PCDHA8: variants seen among roughly 807,000 people sequenced by gnomAD.
PCDHA8 encodes the protein protocadherin alpha 8, also known as protocadherin alpha-8.
A neutral mutation model predicts 61.8 loss-of-function variants in PCDHA8; 53 were observed. That is an observed-to-expected ratio of 0.86 (90% CI 0.69 to 1.08). The LOEUF is 1.08. PCDHA8 is among the 50% of genes least tolerant of loss of function. The pLI is 0.00. For missense variants in PCDHA8, 1,293 were observed against 1,245.0 expected (o/e 1.04, Z -0.58); for synonymous variants, 618 against 556.6 (o/e 1.11, Z -1.55).
chr5:140,874,040 T>G (rs1303509988), intron 1 of PCDHA8, among the ~76,000 whole-genome samples: 7 of 152,220 alleles, frequency 4.6e-5, no homozygotes, highest in Admixed American at 4.6e-4. Flanking sequence ...AGAAACTTGG[T>G]GATGATATTA....
intron 1 of PCDHA8, chr5:140,853,353 C>T: frequency 1.0e-6 from 1 of 981,690 alleles, no homozygotes; most frequent in Non-Finnish European, 1.2e-6. Context: ...AACATGAACT[C>T]ACAGGGATCC....
At chr5:140,986,480 T>A (rs781884269) in intron 3 of PCDHA8, among the ~76,000 whole-genome samples, 16 of 152,200 alleles carry the variant, frequency 1.1e-4, no homozygotes, top group Non-Finnish European at 1.5e-4. Flanking sequence ...GATCAGTTCC[T>A]AGGGCAATCC....
At chr5:140,986,861 C>T (rs1007036038) in intron 3 of PCDHA8, among the ~76,000 whole-genome samples, 12 of 152,086 alleles carry the variant, frequency 7.9e-5, no homozygotes, top group Non-Finnish European at 1.0e-4. Flanking sequence ...CAACAATACC[C>T]GGAAACTTGT....
chr5:140,862,390 A>T (rs1325136355), intron 1 of PCDHA8: 3 of 349,930 alleles, frequency 8.6e-6, no homozygotes, highest in African/African-American at 6.4e-5. Context: ...ACGTCTCTTC[A>T]AGCTGGTGTC....
chr5:140,881,398 A>G, intron 1 of PCDHA8: 1 of 975,546 alleles, frequency 1.0e-6, no homozygotes, highest in Non-Finnish European at 1.2e-6. Context: ...GTTAAATTCT[A>G]TTAAATCAAT....
chr5:140,890,594 T>A (rs1439050160), intron 1 of PCDHA8, among the ~76,000 whole-genome samples: 1 of 152,150 alleles, frequency 6.6e-6, no homozygotes, highest in East Asian at 1.9e-4. Context: ...GAAGCCCTTT[T>A]CCGAATAGCT....
intron 1 of PCDHA8, among the ~76,000 whole-genome samples, chr5:140,899,105 T>G (rs2153462801): frequency 6.6e-6 from 1 of 152,160 alleles, no homozygotes; most frequent in Non-Finnish European, 1.5e-5. Flanking sequence ...GATAATGGGG[T>G]TTTCTAGATA....
At chr5:140,956,009 CTT>C (rs2095247878) in intron 1 of PCDHA8, among the ~76,000 whole-genome samples, 1 of 152,192 alleles carries the variant, frequency 6.6e-6, no homozygotes, top group Non-Finnish European at 1.5e-5. Flanking sequence ...TATCCTGAGA[CTT>C]TGCTGAAGTT....
At position 141,011,371 on chromosome 5, in the gene PCDHA8, G is replaced by A. The variant is rs782444449; in HGVS notation, c.*1434G>A. 6.5e-6 allele frequency: 1 copy of A among 153,724 alleles called. No homozygotes were observed. The highest frequency in any genetic ancestry group is 1.5e-5 in the Non-Finnish European group (1 of 68,022). 9.5% of individuals were successfully genotyped at this position (153,724 alleles called of 1,614,324 possible). On this transcript the variant is annotated 3_prime_UTR_variant, in exon 4 of 4. Transcript: ENST00000531613. ...CTCCCATATGTATGCTGTATGCTAT[G>A]CTAAGACTCCTGAAATATACTTACT...
intron 1 of PCDHA8, among the ~76,000 whole-genome samples, chr5:140,912,685 G>A (rs2076025155): frequency 6.6e-6 from 1 of 152,060 alleles, no homozygotes; most frequent in Non-Finnish European, 1.5e-5. Flanking sequence ...CTTATTCCAG[G>A]TCTCAGGGGG....
At chr5:140,981,583 T>TA (rs2096939530) in intron 2 of PCDHA8, among the ~76,000 whole-genome samples, 1 of 152,098 alleles carries the variant, frequency 6.6e-6, no homozygotes, top group Non-Finnish European at 1.5e-5. Flanking sequence ...CAAAAATAAA[T>TA]AAAATAAAAC....
chr5:140,955,492 A>G, intron 1 of PCDHA8, among the ~76,000 whole-genome samples: 1 of 152,138 alleles, frequency 6.6e-6, no homozygotes, highest in East Asian at 1.9e-4. Context: ...TCCTGCCACC[A>G]TGTGAAGAAA....
At chr5:140,856,040 A>T (rs374986437) in intron 1 of PCDHA8, 4 of 1,569,320 alleles carry the variant, frequency 2.5e-6, no homozygotes, top group Non-Finnish European at 3.5e-6. Flanking sequence ...AAAACAAGAG[A>T]AGGATAAGAT....
chr5:140,877,501 A>G lies in PCDHA8; in HGVS notation c.2394+33786A>G, dbSNP rs2057165784. On this transcript the variant is annotated intron_variant, in intron 1 of 3. Coordinates refer to ENST00000531613, the MANE Select transcript of PCDHA8 (RefSeq NM_018911.3). ...GCTGGTGGAGAACGGCCAGGCCCCA[A>G]AGACGTCGTCGCGGGCCTCAGTGGG... 3.1e-6 allele frequency: 5 copies of G among 1,613,804 alleles called. No homozygotes were observed. In the East Asian group the frequency reaches 1.1e-4, roughly 36 times the overall value.
chr5:140,990,760 G>A (rs2097413418), intron 3 of PCDHA8, among the ~76,000 whole-genome samples: 1 of 152,182 alleles, frequency 6.6e-6, no homozygotes, highest in Non-Finnish European at 1.5e-5. Context: ...CTTTGAGCCT[G>A]TAAATTTGGC....
At chr5:140,850,587 G>A in intron 1 of PCDHA8, 1 of 1,598,490 alleles carries the variant, frequency 6.3e-7, no homozygotes, top group South Asian at 1.1e-5. Flanking sequence ...GGATGTCAAC[G>A]TGTACCTGAT....
chr5:140,966,516 G>A (rs967570115), intron 1 of PCDHA8: 27 of 436,614 alleles, frequency 6.2e-5, no homozygotes, highest in Admixed American at 4.4e-4. Flanking sequence ...GCAGCAGCAG[G>A]AAGCCGAGCC....
At chr5:140,901,199 A>T (rs1554189641) in intron 1 of PCDHA8, among the ~76,000 whole-genome samples, 4 of 152,106 alleles carry the variant, frequency 2.6e-5, no homozygotes, top group Non-Finnish European at 5.9e-5. Context: ...TTCTGTGCAG[A>T]AGGTTTTTAA....
intron 1 of PCDHA8, chr5:140,966,586 T>C (rs1339521044): frequency 5.5e-6 from 3 of 548,910 alleles, no homozygotes; most frequent in Non-Finnish European, 8.8e-6. Flanking sequence ...GCGAGGACGG[T>C]GGGGCCAGGA....
Sources: allele counts gnomAD v4.1 joint callset (sites outside exome capture counted in the v4.1 genomes callset), GRCh38; gene constraint gnomAD v4.1.1; transcripts MANE v1.5; gene names NCBI Gene and HGNC (gene_info 2026-07-23, HGNC 2026-07-21).